ATP6V1A: variants seen among roughly 807,000 people sequenced by gnomAD.
The protein encoded by ATP6V1A is ATPase H+ transporting V1 subunit A.
A neutral mutation model predicts 70.1 loss-of-function variants in ATP6V1A; 18 were observed. The ratio of observed to expected loss-of-function variants is 0.26; its 90% CI spans 0.18 to 0.38. The LOEUF (loss-of-function observed/expected upper bound fraction) is 0.38, where lower values mean the gene tolerates loss of function less well. Among genes scored for constraint, ATP6V1A ranks in the 10% least tolerant of loss-of-function variants. The pLI, the probability that ATP6V1A is intolerant of heterozygous loss-of-function variation, is 1.00. For synonymous variants in ATP6V1A, 232 were observed against 253.8 expected, an observed-to-expected ratio of 0.91 and a Z score of 0.82; for missense variants, 424 against 772.4, an observed-to-expected ratio of 0.55 and a Z score of 5.35.
intron 11 of ATP6V1A, among the ~76,000 whole-genome samples, chr3:113,797,592 G>T (rs962310003): frequency 6.6e-6 from 1 of 152,032 alleles, no homozygotes; most frequent in Admixed American, 6.6e-5. Flanking sequence ...GTGTGTATTC[G>T]ATCTACATAA....
At chr3:113,772,727 CAAA>C (rs570501520) in intron 1 of ATP6V1A, among the ~76,000 whole-genome samples, 1 of 112,874 alleles carries the variant, frequency 8.9e-6, no homozygotes, top group Non-Finnish European at 1.8e-5. Context: ...GACTCCATCT[CAAA>C]AAAAAAAAAA....
intron 1 of ATP6V1A, among the ~76,000 whole-genome samples, chr3:113,777,620 G>A (rs942546858): frequency 1.3e-5 from 2 of 152,182 alleles, no homozygotes; most frequent in Non-Finnish European, 2.9e-5. Flanking sequence ...AGGTGTGGTA[G>A]GACACACCTG....
intron 1 of ATP6V1A, among the ~76,000 whole-genome samples, chr3:113,760,141 A>G (rs1203686640): frequency 6.6e-6 from 1 of 152,234 alleles, no homozygotes; most frequent in Non-Finnish European, 1.5e-5. Flanking sequence ...ATCATAGTAT[A>G]CTAGGTAAAC....
At chr3:113,762,934 CA>C (rs1452036302) in intron 1 of ATP6V1A, among the ~76,000 whole-genome samples, 10 of 152,072 alleles carry the variant, frequency 6.6e-5, no homozygotes, top group African/African-American at 2.4e-4. Flanking sequence ...GTTTTTGAGT[CA>C]AAAGGCTTGA....
chr3:113,755,806 C>A (rs1185173846), intron 1 of ATP6V1A, among the ~76,000 whole-genome samples: 1 of 152,110 alleles, frequency 6.6e-6, no homozygotes, highest in Non-Finnish European at 1.5e-5. Context: ...CATCCTTATT[C>A]TTTTCTTCCC....
rs1243231459 is a variant in ATP6V1A, at chr3:113,782,540, C to CTA, written c.211+1363_211+1364insAT. The stretch of plus-strand genomic sequence containing the variant: ...TTCTTTCCTTTCTCTCTCTCTCTCT[C>CTA]TCTATATATATATATACATGTGTAT... On this transcript the variant is annotated intron_variant, in intron 3 of 14. Transcript: ENST00000273398. Among the ~76,000 whole-genome samples the CTA allele has an allele frequency of 5.1e-3, 731 of 144,538 alleles. 7 individuals are homozygous for CTA. The highest frequency in any genetic ancestry group is 0.018 in the African/African-American group (677 of 38,664). 94.8% of individuals were successfully genotyped at this position (144,538 alleles called of 152,430 possible). A position where few individuals can be genotyped will look rare whatever the true frequency, so the allele number is the denominator to read the frequency against.
intron 13 of ATP6V1A, among the ~76,000 whole-genome samples, chr3:113,804,632 A>G (rs1334851268): frequency 6.6e-6 from 1 of 152,246 alleles, no homozygotes; most frequent in Non-Finnish European, 1.5e-5. Flanking sequence ...ATATGCCTGT[A>G]TATCAGTAAG....
intron 1 of ATP6V1A, chr3:113,747,367 CAG>C (rs1708534842): frequency 1.3e-5 from 2 of 152,378 alleles, no homozygotes; most frequent in Admixed American, 6.5e-5. Context: ...GTTCCCTACT[CAG>C]AGCCTTTGGG....
intron 1 of ATP6V1A, among the ~76,000 whole-genome samples, chr3:113,772,324 A>C (rs1262996153): frequency 6.6e-6 from 1 of 152,230 alleles, no homozygotes; most frequent in Admixed American, 6.5e-5. Context: ...GAGCAGAGAC[A>C]TGAATGATGT....
At chr3:113,764,806 T>C (rs1708750361) in intron 1 of ATP6V1A, among the ~76,000 whole-genome samples, 1 of 152,098 alleles carries the variant, frequency 6.6e-6, no homozygotes, top group Admixed American at 6.6e-5. Flanking sequence ...GCACAGTGGC[T>C]CATGCCTGTA....
intron 1 of ATP6V1A, among the ~76,000 whole-genome samples, chr3:113,770,594 G>A (rs1017274701): frequency 1.3e-5 from 2 of 151,960 alleles, no homozygotes; most frequent in African/African-American, 2.4e-5. Context: ...CACAAGAATC[G>A]CTTGAACCCG....
intron 5 of ATP6V1A, among the ~76,000 whole-genome samples, 184 bp downstream of exon 5, chr3:113,785,017 C>T (rs183251169): frequency 1.3e-5 from 2 of 152,278 alleles, no homozygotes; most frequent in Admixed American, 1.3e-4. Flanking sequence ...AAAAGCAGAA[C>T]ATAGTATTTC....
At chr3:113,797,906 A>G (rs1433663189) in intron 11 of ATP6V1A, among the ~76,000 whole-genome samples, 1 of 151,968 alleles carries the variant, frequency 6.6e-6, no homozygotes, top group African/African-American at 2.4e-5. Flanking sequence ...TTGGGAGGCC[A>G]GGGATCACAT....
At chr3:113,799,187 T>A (rs1469007493) in intron 12 of ATP6V1A, among the ~76,000 whole-genome samples, 1 of 152,130 alleles carries the variant, frequency 6.6e-6, no homozygotes, top group East Asian at 1.9e-4. Context: ...TGTAGATACT[T>A]AATAAAATAT....
chr3:113,756,962 A>C (rs1708652668), intron 1 of ATP6V1A, among the ~76,000 whole-genome samples: 1 of 152,372 alleles, frequency 6.6e-6, no homozygotes, highest in South Asian at 2.1e-4. Context: ...AAAATGAGGT[A>C]GCGAGGAGCT....
intron 1 of ATP6V1A, among the ~76,000 whole-genome samples, chr3:113,764,192 C>T (rs965494393): frequency 6.6e-6 from 1 of 151,750 alleles, no homozygotes; most frequent in Admixed American, 6.6e-5. Flanking sequence ...TTGATCGCAC[C>T]ACTGTACTCC....
rs1174723171 is a variant in ATP6V1A, at chr3:113,798,359, C to T, written c.1407C>T (p.Phe469=). The change falls in exon 12 of 15, where the codon TTC becomes TTT. Residue 469 remains phenylalanine (F), a synonymous_variant. Transcript: ENST00000273398. ...TGGATGAATACTATGACAAACACTT[C>T]ACAGAGTTCGTTCCTCTGAGGACGA... is the stretch of plus-strand genomic sequence containing the variant. ...RALDEYYDKH[F]TEFVPLRTKA... The T allele has an allele frequency of 8.7e-6, 14 of 1,613,824 alleles. 1 individual carries two copies. The South Asian group carries it at 9.9e-5, about 11-fold the overall frequency.
intron 1 of ATP6V1A, among the ~76,000 whole-genome samples, chr3:113,758,786 A>G (rs546665990): frequency 1.3e-5 from 2 of 152,352 alleles, no homozygotes; most frequent in Non-Finnish European, 1.5e-5. Context: ...TTACAGTTCT[A>G]CTAGCAATAT....
intron 4 of ATP6V1A, 45 bp from the exon 5 acceptor site, chr3:113,784,651 T>TA: frequency 6.2e-7 from 1 of 1,603,692 alleles, no homozygotes; most frequent in Non-Finnish European, 8.5e-7. Context: ...GCAAGTCTAC[T>TA]TGACATTTAT....
Sources: allele counts gnomAD v4.1 joint callset (sites outside exome capture counted in the v4.1 genomes callset), GRCh38; gene constraint gnomAD v4.1.1; transcripts MANE v1.5; gene names NCBI Gene and HGNC (gene_info 2026-07-23, HGNC 2026-07-21).